BCAT1: variants seen among roughly 807,000 people sequenced by gnomAD.
The protein encoded by BCAT1 is branched-chain-amino-acid aminotransferase, cytosolic.
BCAT1 carries 48 observed loss-of-function variants against 52.4 expected under a neutral mutation model. The observed-to-expected ratio is 0.92, with a 90% CI of 0.73 to 1.16. BCAT1 has a LOEUF of 1.16. Among genes scored for constraint, BCAT1 ranks in the 50% most tolerant of loss-of-function variants. BCAT1 has a pLI of 0.00. For synonymous variants in BCAT1, 167 were observed against 161.3 expected (o/e 1.04, Z -0.27); for missense variants, 451 against 457.1 (o/e 0.99, Z 0.12).
intron 10 of BCAT1, among the ~76,000 whole-genome samples, chr12:24,822,778 C>T (rs1355068400): frequency 6.6e-6 from 1 of 152,006 alleles, no homozygotes; most frequent in East Asian, 1.9e-4. Context: ...GATTGCATGC[C>T]TTTGTTTCTT....
chr12:24,844,455 T>TA (rs952267048), intron 6 of BCAT1, among the ~76,000 whole-genome samples: 5 of 151,782 alleles, frequency 3.3e-5, no homozygotes, highest in African/African-American at 1.2e-4. Context: ...AATAAATAAA[T>TA]AATAATTTCA....
At chr12:24,920,360 C>T (rs1245767140) in intron 1 of BCAT1, among the ~76,000 whole-genome samples, 2 of 152,162 alleles carry the variant, frequency 1.3e-5, no homozygotes, top group Non-Finnish European at 1.5e-5. Context: ...TAATTAGAGG[C>T]CTGCTGCAGG....
At chr12:24,825,537 T>C (rs1157496862) in intron 10 of BCAT1, among the ~76,000 whole-genome samples, 1 of 152,128 alleles carries the variant, frequency 6.6e-6, no homozygotes, top group Admixed American at 6.6e-5. Context: ...TTGTTTTGCA[T>C]TTCTCTGATA....
intron 5 of BCAT1, among the ~76,000 whole-genome samples, chr12:24,852,810 C>A (rs1013565016): frequency 1.3e-5 from 2 of 152,148 alleles, no homozygotes; most frequent in African/African-American, 4.8e-5. Flanking sequence ...TAACCAAGGT[C>A]AATTCATGTT....
At chr12:24,846,920 A>T (rs10842416) in intron 6 of BCAT1, among the ~76,000 whole-genome samples, 145,793 of 152,280 alleles carry the variant, frequency 0.96, 70,097 homozygotes, top group East Asian at 1. Flanking sequence ...TTTATTGTTC[A>T]TTGGAAGACT....
chr12:24,894,131 G>T, intron 3 of BCAT1, 144 bp downstream of exon 3: 1 of 703,998 alleles, frequency 1.4e-6, no homozygotes, highest in Non-Finnish European at 2.2e-6. Flanking sequence ...ACTGTCTATA[G>T]GAAAACTTTT....
At chr12:24,918,868 T>C (rs935532752) in intron 1 of BCAT1, among the ~76,000 whole-genome samples, 13 of 152,204 alleles carry the variant, frequency 8.5e-5, no homozygotes, top group African/African-American at 2.9e-4. Context: ...TAGTTTAACA[T>C]TGCATGTAAT....
At chr12:24,912,526 G>T (rs1003580669) in intron 1 of BCAT1, among the ~76,000 whole-genome samples, 1 of 151,892 alleles carries the variant, frequency 6.6e-6, no homozygotes, top group East Asian at 1.9e-4. Flanking sequence ...TCTCAGAGAA[G>T]AGAAATGGTT....
intron 1 of BCAT1, among the ~76,000 whole-genome samples, chr12:24,941,165 G>T (rs1025470703): frequency 6.6e-6 from 1 of 152,102 alleles, no homozygotes; most frequent in African/African-American, 2.4e-5. Flanking sequence ...CGATTTTTGT[G>T]GTGTTCAGTT....
chr12:24,871,509 AT>A (rs1282126431), intron 5 of BCAT1, among the ~76,000 whole-genome samples: 1 of 152,242 alleles, frequency 6.6e-6, no homozygotes, highest in East Asian at 1.9e-4. Context: ...AATTACATGT[AT>A]AAAAAGCGAT....
intron 5 of BCAT1, among the ~76,000 whole-genome samples, chr12:24,860,093 T>A (rs1941813149): frequency 6.6e-6 from 1 of 152,238 alleles, no homozygotes; most frequent in Non-Finnish European, 1.5e-5. Context: ...ACGGCTTTCC[T>A]AAGACTTTAT....
chr12:24,922,498 A>G (rs1943512325), intron 1 of BCAT1, among the ~76,000 whole-genome samples: 1 of 152,204 alleles, frequency 6.6e-6, no homozygotes, highest in Non-Finnish European at 1.5e-5. Flanking sequence ...CCCATTTTAC[A>G]TATGAGAAAA....
intron 3 of BCAT1, among the ~76,000 whole-genome samples, chr12:24,893,686 C>T (rs1942895246): frequency 6.6e-6 from 1 of 152,132 alleles, no homozygotes; most frequent in Admixed American, 6.5e-5. Flanking sequence ...ATGTCCAAAT[C>T]ATTCAAAAGT....
At chr12:24,894,153 C>A in intron 3 of BCAT1, 122 bp downstream of exon 3, 1 of 861,872 alleles carries the variant, frequency 1.2e-6, no homozygotes, top group Non-Finnish European at 1.7e-6. Context: ...AAGACATTTT[C>A]GGCTTCCTCT....
rs758306529 is a variant in BCAT1, at chr12:24,842,249, G to A, written c.675-25C>T. ...CCTTTAAGAAAGAGAAAATACACAG[G>A]TTACAAACATACTTCATCCCCACTC... is the stretch of plus-strand genomic sequence containing the variant. On this transcript the variant is annotated intron_variant, in intron 6 of 10. Transcript: ENST00000261192. The A allele has an allele frequency of 6.8e-6, 11 of 1,611,620 alleles. No homozygotes were observed. In the East Asian group the frequency reaches 8.9e-5, roughly 13 times the overall value.
chr12:24,851,120 G>T (rs888235550), intron 5 of BCAT1, among the ~76,000 whole-genome samples: 11 of 152,170 alleles, frequency 7.2e-5, no homozygotes, highest in Non-Finnish European at 7.3e-5. Context: ...AGGTAGAAAT[G>T]ATCACTGGGC....
chr12:24,902,824 T>A (rs1439269937), intron 1 of BCAT1: 3 of 1,348,180 alleles, frequency 2.2e-6, no homozygotes, highest in Non-Finnish European at 3.0e-6. Context: ...GGAGGCGGAA[T>A]GGAGGGCAAG....
intron 1 of BCAT1, among the ~76,000 whole-genome samples, chr12:24,943,011 T>G (rs940607839): frequency 3.3e-5 from 5 of 152,238 alleles, no homozygotes; most frequent in African/African-American, 1.2e-4. Context: ...ATATCTCAGC[T>G]GACTGCAAAG....
chr12:24,895,029 G>T (rs935863706), intron 2 of BCAT1, among the ~76,000 whole-genome samples: 2 of 152,190 alleles, frequency 1.3e-5, no homozygotes, highest in African/African-American at 4.8e-5. Flanking sequence ...AAACAGGAAA[G>T]TTGAGAATGA....
Sources: gnomAD v4.1 joint callset for allele counts (sites outside exome capture counted in the v4.1 genomes callset) on GRCh38, gnomAD v4.1.1 for gene constraint, MANE v1.5 for transcripts, NCBI Gene and HGNC (gene_info 2026-07-23, HGNC 2026-07-21) for gene names.